CELF1: variants seen among roughly 807,000 people sequenced by gnomAD.
CELF1 encodes the protein 50 kDa nuclear polyadenylated RNA-binding protein.
A neutral mutation model predicts 61.8 loss-of-function variants in CELF1; 10 were observed. The ratio of observed to expected loss-of-function variants is 0.16; its 90% CI spans 0.10 to 0.27. CELF1 has a LOEUF of 0.27. Ranked by LOEUF, CELF1 falls within the 10% of genes least tolerant of loss-of-function variation. CELF1 has a pLI of 1.00. For missense variants in CELF1, 380 were observed against 639.1 expected (o/e 0.59, Z 4.37); for synonymous variants, 236 against 225.1 (o/e 1.05, Z -0.43).
In CELF1 at chr11:47,539,923, G is replaced by A. The variant is rs533729320; in HGVS notation, c.-154+13069C>T. ...GCTGCATACCAGCATCTGATTTTATGTCCTGAGTTCTCTGAATGTAGGTGA... is the reference window on the plus strand; with the variant it reads ...GCTGCATACCAGCATCTGATTTTATATCCTGAGTTCTCTGAATGTAGGTGA... On this transcript the variant is annotated intron_variant, in intron 1 of 14. Transcript: ENST00000687097. 3.2e-4 allele frequency among the ~76,000 whole-genome samples: 48 copies of A among 152,308 alleles called. 1 individual carries two copies. In the South Asian group the frequency reaches 3.7e-3, roughly 12 times the overall value.
intron 1 of CELF1, among the ~76,000 whole-genome samples, chr11:47,517,874 G>A (rs952593197): frequency 7.9e-5 from 12 of 151,944 alleles, no homozygotes; most frequent in African/African-American, 2.4e-4. Flanking sequence ...AGCTGGTCTC[G>A]AACTCCTGAC....
Position 47,553,015 on chromosome 11 carries a change from G to A in CELF1, c.-177C>T, listed in dbSNP as rs1276211535. ...ACCAGCGGCTGCACCTGAGCCTGCC[G>A]CTGCCTCAGTTGCTGCCTGCGCCTC... is the stretch of plus-strand genomic sequence containing the variant. On this transcript the variant is annotated 5_prime_UTR_variant, in exon 1 of 15. Transcript: ENST00000687097. The A allele has an allele frequency of 1.5e-5, 6 of 392,178 alleles. No individual in the cohort carries two copies. The highest frequency in any genetic ancestry group is 8.9e-6 in the Non-Finnish European group (2 of 225,802). 24.3% of individuals were successfully genotyped at this position (392,178 alleles called of 1,614,324 possible).
intron 1 of CELF1, among the ~76,000 whole-genome samples, chr11:47,526,945 G>A (rs2096265596): frequency 6.6e-6 from 1 of 152,026 alleles, no homozygotes; most frequent in African/African-American, 2.4e-5. Context: ...CAGCTACTCA[G>A]GAGGCTGAGG....
At chr11:47,505,971 T>G (rs1224690259) in intron 1 of CELF1, among the ~76,000 whole-genome samples, 1 of 150,018 alleles carries the variant, frequency 6.7e-6, no homozygotes, top group Non-Finnish European at 1.5e-5. Context: ...GAACAAATTC[T>G]GGTTCAAGGA....
At chr11:47,495,998 T>C (rs1394770180) in intron 3 of CELF1, 1 of 985,242 alleles carries the variant, frequency 1.0e-6, no homozygotes, top group Non-Finnish European at 1.2e-6. Flanking sequence ...AAACTTCTGC[T>C]ACCACCCACC....
At chr11:47,553,396 C>A (rs930900282), upstream of CELF1, among the ~76,000 whole-genome samples, 1 of 152,222 alleles carries the variant, frequency 6.6e-6, no homozygotes, top group Non-Finnish European at 1.5e-5. Flanking sequence ...TGTCTCCGAT[C>A]CCTACTGGAG....
Position 47,472,057 on chromosome 11 carries a change from A to T in CELF1, c.*173T>A, listed in dbSNP as rs960940091. 2 of 720,052 alleles carry T rather than the reference A, an allele frequency of 2.8e-6. No individual in the cohort carries two copies. The highest frequency in any genetic ancestry group is 3.5e-5 in the African/African-American group (2 of 57,214). 44.6% of individuals were successfully genotyped at this position (720,052 alleles called of 1,614,324 possible). On this transcript the variant is annotated 3_prime_UTR_variant, in exon 15 of 15. Transcript: ENST00000687097. Reference sequence around the variant, plus strand: ...ACAAACTTGTCCTCTGTACGAAGCGAAACTCCCACAGAAGGCAGTAGCCGA... The same window carrying T: ...ACAAACTTGTCCTCTGTACGAAGCGTAACTCCCACAGAAGGCAGTAGCCGA...
intron 1 of CELF1, among the ~76,000 whole-genome samples, chr11:47,528,427 TAC>T (rs2096337433): frequency 6.6e-6 from 1 of 152,046 alleles, no homozygotes; most frequent in African/African-American, 2.4e-5. Context: ...GACAACAATA[TAC>T]AGTTATTCCA....
At chr11:47,542,168 G>C (rs921122201) in intron 1 of CELF1, among the ~76,000 whole-genome samples, 1 of 152,018 alleles carries the variant, frequency 6.6e-6, no homozygotes, top group South Asian at 2.1e-4. Context: ...TCAGGAGTTC[G>C]AGACCAGCCT....
rs115132983 is a variant in CELF1, at chr11:47,538,999, T to C, written c.-154+13993A>G. ...CTCAACAGCCATTCAACCCACATTATTGTGTTCCACTCAAGCCCATCAACA... is the reference window on the plus strand; with the variant it reads ...CTCAACAGCCATTCAACCCACATTACTGTGTTCCACTCAAGCCCATCAACA... On this transcript the variant is annotated intron_variant, in intron 1 of 14. Transcript: ENST00000687097. 2.7e-3 allele frequency among the ~76,000 whole-genome samples: 405 copies of C among 152,258 alleles called. 2 individuals are homozygous for C. The highest frequency in any genetic ancestry group is 7.9e-3 in the African/African-American group (329 of 41,560).
intron 1 of CELF1, among the ~76,000 whole-genome samples, chr11:47,544,546 T>C (rs1037732014): frequency 6.6e-6 from 1 of 152,204 alleles, no homozygotes; most frequent in Non-Finnish European, 1.5e-5. Context: ...TCAAACCATT[T>C]CAAGGATTCC....
At chr11:47,477,668 A>C in intron 10 of CELF1, 1 of 408,170 alleles carries the variant, frequency 2.4e-6, no homozygotes, top group Non-Finnish European at 4.5e-6. Context: ...AGTGTACATT[A>C]ATAAAGGTGT....
At chr11:47,496,410 G>C (rs942215375) in intron 3 of CELF1, among the ~76,000 whole-genome samples, 1 of 152,116 alleles carries the variant, frequency 6.6e-6, no homozygotes, top group Non-Finnish European at 1.5e-5. Context: ...CCAAGCTTTT[G>C]CTATGGTGCC....
In CELF1 at chr11:47,482,816, T is replaced by G; in HGVS notation, c.647A>C (p.Gln216Pro). Residue 216 changes from glutamine to proline, a missense_variant, in exon 9 of 15, where the codon CAG (glutamine) becomes CCG (proline). Gln to Pro is a moderately conservative substitution (Grantham distance 76). Transcript: ENST00000687097. ...CATTCTCTTCTGTTCTTTGTCCTTC[T>G]GTGTATCAGCAAATTTTACCACCAT... ...SPMVVKFADT[Q>P]KDKEQKRMAQ... is the part of the protein sequence containing the mutation. 6.2e-7 allele frequency: 1 copy of G among 1,614,178 alleles called. No individual in the cohort carries two copies. The highest frequency in any genetic ancestry group is 8.5e-7 in the Non-Finnish European group (1 of 1,180,016).
chr11:47,495,506 C>T (rs1236199747), intron 3 of CELF1, among the ~76,000 whole-genome samples: 3 of 152,078 alleles, frequency 2.0e-5, no homozygotes, highest in African/African-American at 4.8e-5. Context: ...CTGGAATATA[C>T]TAAAAATCAC....
intron 3 of CELF1, among the ~76,000 whole-genome samples, chr11:47,493,588 T>C (rs189651021): frequency 1.3e-3 from 201 of 151,484 alleles, no homozygotes; most frequent in Non-Finnish European, 1.6e-3. Context: ...ATCTTCAAAC[T>C]TAACTCTTTG....
intron 3 of CELF1, among the ~76,000 whole-genome samples, chr11:47,497,404 G>A (rs1427516700): frequency 2.0e-5 from 3 of 152,216 alleles, no homozygotes; most frequent in African/African-American, 4.8e-5. Flanking sequence ...TTGGCTAACC[G>A]TTCACTGACA....
rs368910439 is a variant in CELF1, at chr11:47,482,754, C to T, written c.709G>A (p.Ala237Thr). 6.6e-5 allele frequency: 107 copies of T among 1,614,000 alleles called. No homozygotes were observed. The South Asian group carries it at 6.9e-4, about 10-fold the overall frequency. Residue 237 changes from alanine (A) to threonine (T), a missense_variant, in exon 9 of 15, where the codon GCA becomes ACA. Ala to Thr is a moderately conservative substitution (Grantham distance 58). Coordinates refer to ENST00000687097, the MANE Select transcript of CELF1 (RefSeq NM_001376376.1). ...QLQQQMQQIS[A>T]ASVWGNLAGL... ...GCAAGGTTTCCCCACACAGATGCTGCGCTGATTTGCTGCATCTGCTGCTGG... is the reference window on the plus strand; with the variant it reads ...GCAAGGTTTCCCCACACAGATGCTGTGCTGATTTGCTGCATCTGCTGCTGG...
intron 3 of CELF1, among the ~76,000 whole-genome samples, chr11:47,496,592 G>A (rs2093140114): frequency 6.6e-6 from 1 of 152,312 alleles, no homozygotes; most frequent in African/African-American, 2.4e-5. Flanking sequence ...TGGAGGAGGG[G>A]GAGGTGTGTG....
Sources: allele counts gnomAD v4.1 joint callset (sites outside exome capture counted in the v4.1 genomes callset), GRCh38; gene constraint gnomAD v4.1.1; transcripts MANE v1.5; gene names NCBI Gene and HGNC (gene_info 2026-07-23, HGNC 2026-07-21).